STK3: variants seen among roughly 807,000 people sequenced by gnomAD.
STK3 encodes the protein serine/threonine kinase 3, also known as serine/threonine-protein kinase 3.
Under a neutral mutation model 58.0 loss-of-function variants are expected in STK3, and 41 were observed. The ratio of observed to expected loss-of-function variants is 0.71; its 90% CI spans 0.55 to 0.92. STK3 has a LOEUF of 0.92. Among genes scored for constraint, STK3 ranks in the 40% least tolerant of loss-of-function variants. The pLI is 0.00. For missense variants in STK3, 479 were observed against 602.7 expected (o/e 0.79, Z 2.15); for synonymous variants, 170 against 191.0 (o/e 0.89, Z 0.91).
intron 6 of STK3, among the ~76,000 whole-genome samples, chr8:98,695,940 T>C (rs1481912646): frequency 1.3e-5 from 2 of 152,136 alleles, no homozygotes; most frequent in Non-Finnish European, 1.5e-5. Flanking sequence ...ATTGAATCTA[T>C]AAATTACCTT....
At chr8:98,701,408 A>C (rs1158658054) in intron 6 of STK3, among the ~76,000 whole-genome samples, 1 of 152,174 alleles carries the variant, frequency 6.6e-6, no homozygotes, top group Non-Finnish European at 1.5e-5. Context: ...ACTTGAGGTC[A>C]GGAGTTCAAG....
chr8:98,533,482 G>C (rs1809491490), intron 9 of STK3, among the ~76,000 whole-genome samples: 1 of 151,972 alleles, frequency 6.6e-6, no homozygotes, highest in African/African-American at 2.4e-5. Flanking sequence ...GGATGGGTGG[G>C]TGGACTGACT....
intron 9 of STK3, among the ~76,000 whole-genome samples, chr8:98,545,308 A>C (rs983066704): frequency 3.3e-5 from 5 of 152,210 alleles, no homozygotes; most frequent in Admixed American, 1.3e-4. Context: ...GATCTTGGTG[A>C]CACAGCTGAA....
intron 10 of STK3, among the ~76,000 whole-genome samples, chr8:98,463,653 A>G (rs1438821945): frequency 2.0e-5 from 3 of 152,160 alleles, no homozygotes; most frequent in African/African-American, 7.2e-5. Context: ...AGTCTACTAT[A>G]AAAACCTAAA....
At chr8:98,429,194 C>T (rs752288336) in intron 3 of STK3, 8 of 1,613,910 alleles carry the variant, frequency 5.0e-6, no homozygotes, top group South Asian at 2.2e-5. Context: ...TGGTCCTGCC[C>T]ATCACCTTGA....
At chr8:98,865,203 C>T (rs1837089508) in intron 3 of STK3, among the ~76,000 whole-genome samples, 1 of 152,162 alleles carries the variant, frequency 6.6e-6, no homozygotes. Context: ...CCAGACAGGG[C>T]AACATAGTAA....
intron 3 of STK3, among the ~76,000 whole-genome samples, chr8:98,834,059 G>T (rs1359122878): frequency 6.6e-6 from 1 of 152,016 alleles, no homozygotes; most frequent in Non-Finnish European, 1.5e-5. Flanking sequence ...CTACTCCCCT[G>T]CAACCACCTG....
At chr8:98,742,754 C>T (rs923068101) in intron 4 of STK3, among the ~76,000 whole-genome samples, 1 of 151,562 alleles carries the variant, frequency 6.6e-6, no homozygotes, top group Non-Finnish European at 1.5e-5. Flanking sequence ...AGAAGGAAAT[C>T]AAGGGTATTC....
intron 9 of STK3, among the ~76,000 whole-genome samples, chr8:98,536,596 C>A (rs1809785680): frequency 6.6e-6 from 1 of 152,102 alleles, no homozygotes; most frequent in Non-Finnish European, 1.5e-5. Context: ...ACTCTGCAGG[C>A]AGGAGAACAA....
chr8:98,819,767 TAC>T (rs1322836894), intron 1 of STK3, among the ~76,000 whole-genome samples: 1 of 152,202 alleles, frequency 6.6e-6, no homozygotes, highest in Non-Finnish European at 1.5e-5. Flanking sequence ...CTCTCTGATA[TAC>T]ACACAATTTT....
At chr8:98,423,581 G>A (rs1211653121) in intron 3 of STK3, among the ~76,000 whole-genome samples, 1 of 152,256 alleles carries the variant, frequency 6.6e-6, no homozygotes, top group Non-Finnish European at 1.5e-5. Flanking sequence ...GTTTTTAAAA[G>A]ACATTCTGGC....
intron 3 of STK3, among the ~76,000 whole-genome samples, chr8:98,763,342 T>C (rs529809317): frequency 6.6e-6 from 1 of 152,302 alleles, no homozygotes; most frequent in South Asian, 2.1e-4. Context: ...TATGCTAACA[T>C]GTAGTATTCA....
chr8:98,819,027 G>A (rs1478256596), intron 1 of STK3, among the ~76,000 whole-genome samples: 1 of 152,132 alleles, frequency 6.6e-6, no homozygotes, highest in Non-Finnish European at 1.5e-5. Flanking sequence ...GTTTCACCAT[G>A]TTAGCCAGGA....
intron 6 of STK3, among the ~76,000 whole-genome samples, chr8:98,693,898 G>C (rs1051199856): frequency 6.6e-6 from 1 of 152,072 alleles, no homozygotes; most frequent in East Asian, 1.9e-4. Flanking sequence ...CTCTTTTTTG[G>C]TGTTGGGTTT....
At chr8:98,372,473 T>G (rs1016410990) in intron 2 of STK3, among the ~76,000 whole-genome samples, 1 of 151,874 alleles carries the variant, frequency 6.6e-6, no homozygotes, top group African/African-American at 2.4e-5. Flanking sequence ...CAAACCCAGC[T>G]CTGCCCAGTG....
chr8:98,366,993 C>G (rs1276688472), downstream of STK3, among the ~76,000 whole-genome samples: 4 of 152,198 alleles, frequency 2.6e-5, no homozygotes, highest in Non-Finnish European at 4.4e-5. Context: ...AGTAACTTTC[C>G]CATGTCACAC....
chr8:98,808,271 A>C (rs886354291), intron 1 of STK3, among the ~76,000 whole-genome samples: 4 of 152,250 alleles, frequency 2.6e-5, no homozygotes, highest in Non-Finnish European at 5.9e-5. Flanking sequence ...GAAAGTGTGA[A>C]GTGAGAGGAC....
chr8:98,682,041 G>A (rs1289560131), intron 6 of STK3, among the ~76,000 whole-genome samples: 2 of 152,166 alleles, frequency 1.3e-5, no homozygotes, highest in Admixed American at 6.5e-5. Flanking sequence ...CACAGAACCT[G>A]AGCAAGATCC....
chr8:98,789,829 C>T (rs150110246), intron 1 of STK3, among the ~76,000 whole-genome samples: 138 of 152,144 alleles, frequency 9.1e-4, no homozygotes, highest in African/African-American at 3.3e-3. Context: ...GAGTTCAAGA[C>T]CAGCCTGCCC....
Sources: gnomAD v4.1 joint callset for allele counts (sites outside exome capture counted in the v4.1 genomes callset) on GRCh38, gnomAD v4.1.1 for gene constraint, MANE v1.5 for transcripts, NCBI Gene and HGNC (gene_info 2026-07-23, HGNC 2026-07-21) for gene names.